The following LYST variants were observed in gnomAD, a reference collection of about 807,000 sequenced individuals.
LYST encodes the protein lysosomal trafficking regulator, also known as lysosomal-trafficking regulator.
A neutral mutation model predicts 413.6 loss-of-function variants in LYST; 192 were observed. The observed-to-expected ratio is 0.46, with a 90% confidence interval of 0.41 to 0.52. The LOEUF (loss-of-function observed/expected upper bound fraction) is 0.52, where lower values mean the gene tolerates loss of function less well. Ranked by LOEUF, LYST falls within the 20% of genes least tolerant of loss-of-function variation. The probability of loss-of-function intolerance (pLI) is 0.00; values close to 1 mark genes in which losing one functional copy is unlikely to be tolerated. For missense variants in LYST, 3,815 were observed against 4,499.9 expected (o/e 0.85, Z 4.35); for synonymous variants, 1,525 against 1,567.3 (o/e 0.97, Z 0.64).
At chr1:235,769,438 A>G (rs765387806) in intron 20 of LYST, among the ~76,000 whole-genome samples, 3 of 152,048 alleles carry the variant, frequency 2.0e-5, no homozygotes, top group Non-Finnish European at 4.4e-5. Context: ...ACTATAATGA[A>G]AAGCCCTTAG....
chr1:235,837,127 G>C (rs1302372335), intron 1 of LYST, among the ~76,000 whole-genome samples: 9 of 152,200 alleles, frequency 5.9e-5, no homozygotes, highest in Admixed American at 5.9e-4. Context: ...AGGACCTAGA[G>C]AATGAGTGTA....
At position 235,741,475 on chromosome 1, in the gene LYST, G is replaced by A; in HGVS notation, c.8305C>T (p.His2769Tyr). 1.2e-6 allele frequency: 2 copies of A among 1,614,108 alleles called. No homozygotes were observed. Among genetic ancestry groups the A allele is most frequent in the Admixed American group, 3.3e-5 (2 of 60,014 alleles). ...QERKQIFEIV[H>Y]EPNHQEILRD... ...AGTATTTCCTGATGATTTGGTTCAT[G>A]AACTATTTCAAAAATTTGCTTTCTC... Residue 2769 changes from histidine to tyrosine, a missense_variant, in exon 31 of 53, where the codon CAT becomes TAT. Transcript: ENST00000389793.
chr1:235,693,008 G>T (rs760983163), intron 47 of LYST, among the ~76,000 whole-genome samples: 1 of 149,500 alleles, frequency 6.7e-6, no homozygotes, highest in African/African-American at 2.5e-5. Context: ...GCAACAGAGC[G>T]ACACTCTAAA....
chr1:235,744,484 G>C (rs937055510), intron 29 of LYST, among the ~76,000 whole-genome samples: 1 of 152,084 alleles, frequency 6.6e-6, no homozygotes, highest in Non-Finnish European at 1.5e-5. Flanking sequence ...TTACATGAGT[G>C]GATCTACAGA....
At chr1:235,691,590 G>A (rs1660656049) in intron 47 of LYST, among the ~76,000 whole-genome samples, 1 of 152,052 alleles carries the variant, frequency 6.6e-6, no homozygotes, top group Non-Finnish European at 1.5e-5. Context: ...TGTTGAGCAG[G>A]AGATTTTGAT....
At position 235,858,419 on chromosome 1, in the gene LYST, T is replaced by C. The variant is rs113766469; in HGVS notation, c.-98+8424A>G. Reference sequence around the variant, plus strand: ...ATTAATATTGTTATAATTAGCACTATTAATCTTGGCTATCCACCCATCATT... The same window carrying C: ...ATTAATATTGTTATAATTAGCACTACTAATCTTGGCTATCCACCCATCATT... On this transcript the variant is annotated intron_variant, in intron 1 of 52. Transcript: ENST00000389793. Among the ~76,000 whole-genome samples the C allele has an allele frequency of 9.8e-3, 1,493 of 152,326 alleles. 37 individuals carry two copies. The highest frequency in any genetic ancestry group is 0.032 in the African/African-American group (1,349 of 41,556).
At position 235,805,770 on chromosome 1, in the gene LYST, C is replaced by T; in HGVS notation, c.3366G>A (p.Gln1122=). 1 of 1,613,322 alleles carries T rather than the reference C, an allele frequency of 6.2e-7. No individual in the cohort carries two copies. The highest frequency in any genetic ancestry group is 2.2e-5 in the East Asian group (1 of 44,822). The change falls in exon 6 of 53, where the codon CAG becomes CAA. Residue 1122 remains glutamine, a synonymous_variant. Transcript: ENST00000389793. Reference sequence around the variant, plus strand: ...GATTAGGTAACTCCAATTCCATCTTCTGTTGACTAGTTCTGGCACCATGAA... The same window carrying T: ...GATTAGGTAACTCCAATTCCATCTTTTGTTGACTAGTTCTGGCACCATGAA... ...ICLHGARTSQ[Q]KMELELPNQN... is the part of the protein sequence containing the mutation.
In LYST at chr1:235,788,861, G is replaced by A; in HGVS notation, c.4544-16C>T. ...CTGTCGCTCTCTATAAGAAAAAGAT[G>A]TTAGAATGATCAGTAAAATGGTTCG... is the stretch of plus-strand genomic sequence containing the variant. On this transcript the variant is annotated splice_polypyrimidine_tract_variant and intron_variant, in intron 12 of 52. Coordinates refer to ENST00000389793, the MANE Select transcript of LYST (RefSeq NM_000081.4). 1 of 1,612,018 alleles carries A rather than the reference G, an allele frequency of 6.2e-7. No homozygotes were observed.
intron 48 of LYST, among the ~76,000 whole-genome samples, chr1:235,684,896 T>G (rs1660090687): frequency 6.6e-6 from 1 of 152,202 alleles, no homozygotes; most frequent in Non-Finnish European, 1.5e-5. Context: ...CCCAAAGTGC[T>G]GGGGCCACAG....
At chr1:235,668,185 C>T (rs569010532) in intron 50 of LYST, among the ~76,000 whole-genome samples, 130 of 151,794 alleles carry the variant, frequency 8.6e-4, no homozygotes, top group African/African-American at 3.0e-3. Context: ...ATTGTCTGTA[C>T]GTATATACAT....
chr1:235,878,523 T>C (rs1446154107), intron 1 of LYST, among the ~76,000 whole-genome samples: 1 of 152,180 alleles, frequency 6.6e-6, no homozygotes, highest in Non-Finnish European at 1.5e-5. Flanking sequence ...TGGTTCCTAC[T>C]GCCCAAGTTC....
intron 1 of LYST, among the ~76,000 whole-genome samples, chr1:235,879,556 CAT>C (rs1303549899): frequency 1.3e-5 from 2 of 152,334 alleles, no homozygotes; most frequent in East Asian, 3.9e-4. Flanking sequence ...ACTCCAGATA[CAT>C]AGTCTGTTCC....
At chr1:235,680,144 T>C (rs1428741780) in intron 48 of LYST, among the ~76,000 whole-genome samples, 1 of 152,026 alleles carries the variant, frequency 6.6e-6, no homozygotes, top group Non-Finnish European at 1.5e-5. Context: ...GATATATTTT[T>C]GTATATATAT....
chr1:235,753,222 TGACA>T lies in LYST; in HGVS notation c.7278_7281del (p.Val2427PhefsTer6), dbSNP rs773176332. 1 of 1,610,928 alleles carries T rather than the reference TGACA, an allele frequency of 6.2e-7. No homozygotes were observed. On this transcript the variant is annotated frameshift_variant, in exon 26 of 53. Coordinates refer to ENST00000389793, the MANE Select transcript of LYST (RefSeq NM_000081.4). LOFTEE classifies it high-confidence loss of function. ...GTCTCTATTAGTCCCAGAATAGGAATGACAGACCACTTCTGAAACAATCCCATGT... is the reference window on the plus strand; with the variant it reads ...GTCTCTATTAGTCCCAGAATAGGAATGACCACTTCTGAAACAATCCCATGT...
intron 8 of LYST, 62 bp from the exon 9 acceptor site, chr1:235,801,159 T>A: frequency 1.8e-6 from 2 of 1,085,082 alleles, no homozygotes; most frequent in Non-Finnish European, 2.8e-6. Context: ...TCAAACTTCA[T>A]TAATCATTTA....
chr1:235,833,344 G>C (rs1354596253), intron 2 of LYST, among the ~76,000 whole-genome samples: 1 of 151,970 alleles, frequency 6.6e-6, no homozygotes, highest in Non-Finnish European at 1.5e-5. Flanking sequence ...GATATAAATA[G>C]TATACTGTAT....
intron 20 of LYST, among the ~76,000 whole-genome samples, chr1:235,768,198 C>T (rs1320836988): frequency 1.3e-5 from 2 of 151,796 alleles, no homozygotes; most frequent in African/African-American, 4.8e-5. Context: ...TACAAGGTTG[C>T]TTTTTTTTCT....
intron 21 of LYST, among the ~76,000 whole-genome samples, chr1:235,763,914 G>A (rs1024859998): frequency 2.6e-5 from 4 of 152,012 alleles, no homozygotes; most frequent in African/African-American, 9.7e-5. Flanking sequence ...ACCAGAATTC[G>A]CTCTCTCTCG....
intron 1 of LYST, among the ~76,000 whole-genome samples, chr1:235,859,502 CT>C (rs34646468): frequency 0.024 from 3,514 of 144,398 alleles, 126 homozygotes; most frequent in African/African-American, 0.082. Flanking sequence ...AGCACCAGGC[CT>C]TTTTTTTTTT....
Sources: gnomAD v4.1 joint callset for allele counts (sites outside exome capture counted in the v4.1 genomes callset) on GRCh38, gnomAD v4.1.1 for gene constraint, MANE v1.5 for transcripts, NCBI Gene and HGNC (gene_info 2026-07-23, HGNC 2026-07-21) for gene names.